SETBP1: variants seen among roughly 807,000 people sequenced by gnomAD.
The protein encoded by SETBP1 is SET-binding protein.
A neutral mutation model predicts 101.0 loss-of-function variants in SETBP1; 9 were observed. The ratio of observed to expected loss-of-function variants is 0.09; its 90% confidence interval spans 0.05 to 0.16. SETBP1 has a LOEUF of 0.16. Ranked by LOEUF, SETBP1 falls within the 10% of genes least tolerant of loss-of-function variation. The probability of loss-of-function intolerance (pLI) is 1.00; values close to 1 mark genes in which losing one functional copy is unlikely to be tolerated. For synonymous variants in SETBP1, 818 were observed against 788.5 expected (o/e 1.04, Z -0.63); for missense variants, 1,858 against 2,033.8 (o/e 0.91, Z 1.66).
intron 2 of SETBP1, among the ~76,000 whole-genome samples, chr18:44,737,813 G>A (rs565244718): frequency 8.9e-4 from 136 of 152,282 alleles, no homozygotes; most frequent in Non-Finnish European, 1.4e-3. Flanking sequence ...TTTCCAACCC[G>A]ATTGAGTAAC....
intron 2 of SETBP1, among the ~76,000 whole-genome samples, chr18:44,792,112 C>T: frequency 6.6e-6 from 1 of 152,034 alleles, no homozygotes; most frequent in East Asian, 1.9e-4. Context: ...GTATAAAGTA[C>T]CTGATATATA....
At chr18:44,798,449 C>T (rs2144762483) in intron 2 of SETBP1, among the ~76,000 whole-genome samples, 1 of 152,298 alleles carries the variant, frequency 6.6e-6, no homozygotes, top group Middle Eastern at 3.4e-3. Flanking sequence ...ACAATGAAAT[C>T]CTTCCACCTA....
At chr18:45,062,524 C>T (rs1251918769) in intron 5 of SETBP1, among the ~76,000 whole-genome samples, 1 of 152,184 alleles carries the variant, frequency 6.6e-6, no homozygotes, top group Non-Finnish European at 1.5e-5. Flanking sequence ...GGTTCAGTTA[C>T]ATATTCTTAT....
chr18:45,048,662 A>G (rs1409230432), intron 5 of SETBP1, among the ~76,000 whole-genome samples: 4 of 151,992 alleles, frequency 2.6e-5, no homozygotes, highest in African/African-American at 7.3e-5. Context: ...ACTCAATTCT[A>G]TGAATGATAT....
chr18:44,876,575 C>A, intron 3 of SETBP1: 1 of 1,550,248 alleles, frequency 6.5e-7, no homozygotes, highest in Non-Finnish European at 8.7e-7. Context: ...ATTAAAGACT[C>A]CAGTAAGGAG....
At chr18:44,985,921 C>G (rs2072222161) in intron 4 of SETBP1, among the ~76,000 whole-genome samples, 1 of 152,182 alleles carries the variant, frequency 6.6e-6, no homozygotes, top group East Asian at 1.9e-4. Context: ...ACTCAATACT[C>G]CACTAGAGTC....
At chr18:45,022,568 G>A (rs1316521447) in intron 4 of SETBP1, among the ~76,000 whole-genome samples, 4 of 152,190 alleles carry the variant, frequency 2.6e-5, no homozygotes, top group African/African-American at 9.7e-5. Context: ...GGTGGCCCAC[G>A]CCTGTGATCC....
chr18:44,977,053 A>G (rs9962988), intron 4 of SETBP1, among the ~76,000 whole-genome samples: 8,581 of 152,226 alleles, frequency 0.056, 847 homozygotes, highest in African/African-American at 0.19. Flanking sequence ...TAAATCATCA[A>G]TATATGGCAA....
intron 3 of SETBP1, among the ~76,000 whole-genome samples, chr18:44,909,510 G>C (rs150439636): frequency 2.8e-4 from 43 of 152,296 alleles, no homozygotes; most frequent in African/African-American, 1.0e-3. Flanking sequence ...ACTTAGGAGG[G>C]AGTATCGTAC....
chr18:44,701,094 G>A (rs2069108386), intron 1 of SETBP1, 81 bp from the exon 2 acceptor site: 2 of 388,604 alleles, frequency 5.1e-6, no homozygotes, highest in African/African-American at 4.1e-5. Flanking sequence ...ATACGTGGAA[G>A]GGGGCCTCTG....
chr18:44,845,728 C>T (rs1323400214), intron 2 of SETBP1, among the ~76,000 whole-genome samples: 1 of 152,190 alleles, frequency 6.6e-6, no homozygotes, highest in Non-Finnish European at 1.5e-5. Flanking sequence ...AGGCCGGGCC[C>T]CTAACTGCTA....
intron 2 of SETBP1, among the ~76,000 whole-genome samples, chr18:44,725,098 C>G (rs1014163024): frequency 6.6e-6 from 1 of 152,062 alleles, no homozygotes; most frequent in African/African-American, 2.4e-5. Flanking sequence ...TAGTAGCTGC[C>G]CATAGAGTTA....
intron 4 of SETBP1, among the ~76,000 whole-genome samples, chr18:44,972,678 G>A (rs971041869): frequency 6.6e-6 from 1 of 152,154 alleles, no homozygotes; most frequent in Non-Finnish European, 1.5e-5. Flanking sequence ...CTCTCTGTTT[G>A]TCTGTTATTG....
At position 45,065,987 on chromosome 18, in the gene SETBP1, G is replaced by A. The variant is rs2073960554; in HGVS notation, c.*2289G>A. The A allele has an allele frequency of 6.6e-6, 1 of 152,192 alleles. No homozygotes were observed. The highest frequency in any genetic ancestry group is 2.1e-4 in the South Asian group (1 of 4,826). 9.4% of individuals were successfully genotyped at this position (152,192 alleles called of 1,614,324 possible). A position where few individuals can be genotyped will look rare whatever the true frequency, so the allele number is the denominator to read the frequency against. ...GAGGTTTCTCTTCTTACTGGGTTTT[G>A]AAATCATTTCCTTTTTTCTTTCGTT... On this transcript the variant is annotated 3_prime_UTR_variant, in exon 6 of 6. Coordinates refer to ENST00000649279, the MANE Select transcript of SETBP1 (RefSeq NM_015559.3).
chr18:45,048,768 C>G (rs918520980), intron 5 of SETBP1, among the ~76,000 whole-genome samples: 1 of 150,122 alleles, frequency 6.7e-6, no homozygotes, highest in Non-Finnish European at 1.5e-5. Flanking sequence ...GTCAGGAGAT[C>G]GAGACCATCC....
chr18:45,051,949 T>A (rs1278032867), intron 5 of SETBP1, among the ~76,000 whole-genome samples: 3 of 152,202 alleles, frequency 2.0e-5, no homozygotes, highest in East Asian at 1.9e-4. Context: ...GATTTGAATC[T>A]CCAAAAACAT....
chr18:44,904,970 G>A (rs1568210026), intron 3 of SETBP1, among the ~76,000 whole-genome samples: 1 of 152,138 alleles, frequency 6.6e-6, no homozygotes, highest in Admixed American at 6.6e-5. Context: ...TAATCTAGTG[G>A]TATACTCCAG....
At chr18:44,763,259 A>C (rs1298826566) in intron 2 of SETBP1, among the ~76,000 whole-genome samples, 3 of 152,242 alleles carry the variant, frequency 2.0e-5, no homozygotes, top group Non-Finnish European at 4.4e-5. Flanking sequence ...AGGTCATAGA[A>C]GACGTTAAAT....
At chr18:44,781,304 A>T (rs938235687) in intron 2 of SETBP1, among the ~76,000 whole-genome samples, 1 of 152,166 alleles carries the variant, frequency 6.6e-6, no homozygotes, top group Non-Finnish European at 1.5e-5. Context: ...CTATGCAAGG[A>T]TATGCCCACT....
Sources: allele counts gnomAD v4.1 joint callset (sites outside exome capture counted in the v4.1 genomes callset), GRCh38; gene constraint gnomAD v4.1.1; transcripts MANE v1.5; gene names NCBI Gene and HGNC (gene_info 2026-07-23, HGNC 2026-07-21).